The following ST6GALNAC3 variants were observed in gnomAD, a reference collection of about 807,000 sequenced individuals.
ST6GALNAC3 encodes ST6 N-acetylgalactosaminide alpha-2,6-sialyltransferase 3.
Under a neutral mutation model 32.7 loss-of-function variants are expected in ST6GALNAC3, and 25 were observed. The ratio of observed to expected loss-of-function variants is 0.76; its 90% confidence interval spans 0.56 to 1.07. The LOEUF (loss-of-function observed/expected upper bound fraction) is 1.07, where lower values mean the gene tolerates loss of function less well. Ranked by LOEUF, ST6GALNAC3 falls within the 50% of genes least tolerant of loss-of-function variation. The probability of loss-of-function intolerance (pLI) is 0.00; values close to 1 mark genes in which losing one functional copy is unlikely to be tolerated. For synonymous variants in ST6GALNAC3, 129 were observed against 133.1 expected (o/e 0.97, Z 0.21); for missense variants, 355 against 382.4 (o/e 0.93, Z 0.60).
At chr1:76,429,745 C>G (rs1364767622) in intron 3 of ST6GALNAC3, among the ~76,000 whole-genome samples, 5 of 152,176 alleles carry the variant, frequency 3.3e-5, no homozygotes, top group Non-Finnish European at 7.4e-5. Flanking sequence ...GACTCTTGGC[C>G]GCTCTCATCA....
At chr1:76,428,815 A>G (rs1655563619) in intron 3 of ST6GALNAC3, among the ~76,000 whole-genome samples, 1 of 152,164 alleles carries the variant, frequency 6.6e-6, no homozygotes, top group South Asian at 2.1e-4. Context: ...ATTAGATCTA[A>G]TTAAGTTTAA....
At chr1:76,461,322 G>A (rs1658263725) in intron 3 of ST6GALNAC3, among the ~76,000 whole-genome samples, 1 of 152,144 alleles carries the variant, frequency 6.6e-6, no homozygotes, top group South Asian at 2.1e-4. Context: ...TCCCCTGGTG[G>A]TTGCCCGTGG....
Position 76,630,560 on chromosome 1 carries a change from A to G in ST6GALNAC3, c.*1754A>G, listed in dbSNP as rs1238640442. 1.0e-6 allele frequency: 1 copy of G among 985,300 alleles called. No homozygotes were observed. 61.0% of individuals were successfully genotyped at this position (985,300 alleles called of 1,614,324 possible). On this transcript the variant is annotated 3_prime_UTR_variant, in exon 5 of 5. Coordinates refer to ENST00000328299, the MANE Select transcript of ST6GALNAC3 (RefSeq NM_152996.4). The stretch of plus-strand genomic sequence containing the variant: ...ACAAAAGCCAGGCTCAACTTATAGA[A>G]TGTTTTGGAAACTGGAAGTAATGAT...
intron 1 of ST6GALNAC3, among the ~76,000 whole-genome samples, chr1:76,138,472 A>G (rs1193024831): frequency 1.3e-5 from 2 of 152,158 alleles, no homozygotes; most frequent in Non-Finnish European, 2.9e-5. Flanking sequence ...CAAGACCAAT[A>G]TTTAGGAGGA....
At chr1:76,571,422 C>T (rs1053145034) in intron 3 of ST6GALNAC3, among the ~76,000 whole-genome samples, 2 of 152,016 alleles carry the variant, frequency 1.3e-5, no homozygotes, top group African/African-American at 4.8e-5. Flanking sequence ...GGACAGTAAT[C>T]CTTGTGCCAG....
chr1:76,485,760 T>G lies in ST6GALNAC3; in HGVS notation c.623+73343T>G, dbSNP rs184820080. ...CTGATCTTAGCTATTTCTTGCCTTC[T>G]GCTAGCTTTTGAATGTGTTTGCTCT... On this transcript the variant is annotated intron_variant, in intron 3 of 4. Transcript: ENST00000328299. 6.9e-3 allele frequency among the ~76,000 whole-genome samples: 1,055 copies of G among 152,344 alleles called. 15 individuals are homozygous for G. Among genetic ancestry groups the G allele is most frequent in the South Asian group, 0.019 (92 of 4,824 alleles).
At chr1:76,227,561 G>T (rs1435981281) in intron 1 of ST6GALNAC3, among the ~76,000 whole-genome samples, 1 of 152,104 alleles carries the variant, frequency 6.6e-6, no homozygotes, top group Non-Finnish European at 1.5e-5. Flanking sequence ...AGGATATTTA[G>T]AATTTTTATT....
At chr1:76,398,148 T>C (rs933937799) in intron 2 of ST6GALNAC3, among the ~76,000 whole-genome samples, 2 of 133,548 alleles carry the variant, frequency 1.5e-5, no homozygotes, top group African/African-American at 5.1e-5. Context: ...GAGATGTTAA[T>C]TGATTTCCTA....
At chr1:76,174,974 A>G (rs969733832) in intron 1 of ST6GALNAC3, among the ~76,000 whole-genome samples, 1 of 152,002 alleles carries the variant, frequency 6.6e-6, no homozygotes, top group African/African-American at 2.4e-5. Flanking sequence ...AGCCCAATAA[A>G]TATGTTCTAT....
intron 3 of ST6GALNAC3, among the ~76,000 whole-genome samples, chr1:76,525,816 T>C (rs1188170219): frequency 1.1e-4 from 12 of 111,710 alleles, no homozygotes; most frequent in Non-Finnish European, 2.1e-4. Flanking sequence ...TATATATATA[T>C]ATATATATAT....
intron 1 of ST6GALNAC3, among the ~76,000 whole-genome samples, chr1:76,174,612 A>G (rs1209132764): frequency 6.6e-6 from 1 of 151,010 alleles, no homozygotes; most frequent in Non-Finnish European, 1.5e-5. Context: ...CAGATCATGA[A>G]GATTTTTTTC....
At chr1:76,088,608 C>G (rs985939411) in intron 1 of ST6GALNAC3, among the ~76,000 whole-genome samples, 1 of 152,056 alleles carries the variant, frequency 6.6e-6, no homozygotes, top group African/African-American at 2.4e-5. Flanking sequence ...CTGTTCTCTC[C>G]TCAATCACTC....
At chr1:76,485,684 C>T (rs1660060390) in intron 3 of ST6GALNAC3, among the ~76,000 whole-genome samples, 1 of 152,256 alleles carries the variant, frequency 6.6e-6, no homozygotes, top group East Asian at 1.9e-4. Flanking sequence ...CTCCTGGATT[C>T]ATTGATTTTT....
At chr1:76,090,875 C>G (rs763403875) in intron 1 of ST6GALNAC3, among the ~76,000 whole-genome samples, 1 of 152,182 alleles carries the variant, frequency 6.6e-6, no homozygotes, top group Non-Finnish European at 1.5e-5. Flanking sequence ...CAAAACTAAA[C>G]GTAATGGAGC....
In ST6GALNAC3 at chr1:76,211,693, C is replaced by T. The variant is rs191740410; in HGVS notation, c.19-102112C>T. 1.7e-4 allele frequency among the ~76,000 whole-genome samples: 26 copies of T among 152,130 alleles called. No homozygotes were observed. In the East Asian group the frequency reaches 4.1e-3, roughly 24 times the overall value. Reference sequence around the variant, plus strand: ...AGCAAACTATCACAAGGACAAAATACCAAACACCGCATGTTCTCGCTCATA... The same window carrying T: ...AGCAAACTATCACAAGGACAAAATATCAAACACCGCATGTTCTCGCTCATA... On this transcript the variant is annotated intron_variant, in intron 1 of 4. Transcript: ENST00000328299.
At chr1:76,611,689 C>G (rs1219895971) in intron 3 of ST6GALNAC3, among the ~76,000 whole-genome samples, 1 of 152,082 alleles carries the variant, frequency 6.6e-6, no homozygotes, top group African/African-American at 2.4e-5. Context: ...TAGTAATGTA[C>G]AGCAAAAAAT....
chr1:76,349,124 G>A (rs987931773), intron 2 of ST6GALNAC3, among the ~76,000 whole-genome samples: 1 of 152,106 alleles, frequency 6.6e-6, no homozygotes, highest in African/African-American at 2.4e-5. Flanking sequence ...ATTTACATAT[G>A]TAACATTAAA....
intron 1 of ST6GALNAC3, among the ~76,000 whole-genome samples, chr1:76,179,251 C>T (rs562648127): frequency 2.9e-4 from 44 of 152,326 alleles, no homozygotes; most frequent in Non-Finnish European, 5.1e-4. Context: ...AGAGCATTGA[C>T]TTTAAATCTG....
chr1:76,473,819 C>A (rs927244742), intron 3 of ST6GALNAC3, among the ~76,000 whole-genome samples: 5 of 152,146 alleles, frequency 3.3e-5, no homozygotes, highest in Non-Finnish European at 7.3e-5. Flanking sequence ...CCTATTGAAT[C>A]TGAGCCAGGC....
Sources: allele counts gnomAD v4.1 joint callset (sites outside exome capture counted in the v4.1 genomes callset), GRCh38; gene constraint gnomAD v4.1.1; transcripts MANE v1.5; gene names NCBI Gene and HGNC (gene_info 2026-07-23, HGNC 2026-07-21).